ZSWIM5: variants seen among roughly 807,000 people sequenced by gnomAD.
ZSWIM5 encodes the protein zinc finger SWIM-type containing 5, also known as zinc finger SWIM domain-containing protein 5.
A neutral mutation model predicts 119.6 loss-of-function variants in ZSWIM5; 55 were observed. That is an observed-to-expected ratio of 0.46 (90% CI 0.37 to 0.58). The LOEUF (loss-of-function observed/expected upper bound fraction) is 0.58. Ranked by LOEUF, ZSWIM5 falls within the 20% of genes least tolerant of loss-of-function variation. The pLI is 0.00. For synonymous variants in ZSWIM5, 537 were observed against 606.9 expected (o/e 0.88, Z 1.69); for missense variants, 1,193 against 1,512.8 (o/e 0.79, Z 3.51).
chr1:45,202,262 A>G (rs1646162821), intron 1 of ZSWIM5, among the ~76,000 whole-genome samples: 1 of 152,098 alleles, frequency 6.6e-6, no homozygotes, highest in Admixed American at 6.5e-5. Context: ...ATTAAAACAA[A>G]TTACATATAA....
At chr1:45,079,690 T>TCTTGC (rs1210359056) in intron 2 of ZSWIM5, among the ~76,000 whole-genome samples, 1 of 152,122 alleles carries the variant, frequency 6.6e-6, no homozygotes, top group African/African-American at 2.4e-5. Context: ...GTGGAAGGCA[T>TCTTGC]CTTGCCCCAT....
intron 7 of ZSWIM5, 109 bp downstream of exon 7, chr1:45,040,283 C>T: frequency 8.3e-7 from 1 of 1,208,124 alleles, no homozygotes; most frequent in Non-Finnish European, 1.1e-6. Flanking sequence ...GCATTCCACA[C>T]AGCAAGGAGA....
chr1:45,168,607 G>A (rs762537052), intron 1 of ZSWIM5, among the ~76,000 whole-genome samples: 3 of 147,432 alleles, frequency 2.0e-5, no homozygotes, highest in Non-Finnish European at 4.5e-5. Flanking sequence ...AGAAGTTGCA[G>A]TGAGCTGAGA....
chr1:45,100,916 C>T (rs1463037025), intron 1 of ZSWIM5, among the ~76,000 whole-genome samples: 1 of 152,288 alleles, frequency 6.6e-6, no homozygotes, highest in Middle Eastern at 3.4e-3. Flanking sequence ...GGATTAAAGA[C>T]TTAAATGTTA....
At chr1:45,070,244 C>G in intron 2 of ZSWIM5, 1 of 1,469,906 alleles carries the variant, frequency 6.8e-7, no homozygotes, top group Non-Finnish European at 9.5e-7. Flanking sequence ...GTTCATCAGT[C>G]ACAGAACCAA....
Position 45,018,351 on chromosome 1 carries a change from G to A in ZSWIM5, c.*103C>T. ...TGTGGTCCTTTGGCCTCATCCACAG[G>A]TGCTCAGAGTTCTCTCAGGGTGGAC... On this transcript the variant is annotated 3_prime_UTR_variant, in exon 14 of 14. Coordinates refer to ENST00000359600, the MANE Select transcript of ZSWIM5 (RefSeq NM_020883.2). The surrounding 1 kb of genome is among the most constrained non-coding windows in gnomAD (Gnocchi z 6.7). The A allele has an allele frequency of 2.1e-6, 3 of 1,436,456 alleles. No homozygotes were observed. The highest frequency in any genetic ancestry group is 2.8e-6 in the Non-Finnish European group (3 of 1,059,790). The allele number at this position is 1,436,456 out of a possible 1,614,324, so 89.0% of individuals were successfully genotyped here.
At chr1:45,186,463 T>C (rs1269838957) in intron 1 of ZSWIM5, among the ~76,000 whole-genome samples, 1 of 149,800 alleles carries the variant, frequency 6.7e-6, no homozygotes, top group African/African-American at 2.5e-5. Flanking sequence ...AAAAAAATGA[T>C]ACGGTATAAA....
At chr1:45,125,969 G>A (rs1042402302) in intron 1 of ZSWIM5, among the ~76,000 whole-genome samples, 2 of 152,010 alleles carry the variant, frequency 1.3e-5, no homozygotes. Context: ...TCTGAAGACT[G>A]AGGTGGGAGG....
At chr1:45,084,412 C>A (rs1276087543) in intron 2 of ZSWIM5, among the ~76,000 whole-genome samples, 1 of 152,000 alleles carries the variant, frequency 6.6e-6, no homozygotes, top group Non-Finnish European at 1.5e-5. Flanking sequence ...AATCTCATAT[C>A]CTTCTCACAT....
rs763585662 is a variant in ZSWIM5, at chr1:45,205,809, C to G, written c.542G>C (p.Arg181Pro). 1 of 1,543,300 alleles carries G rather than the reference C, an allele frequency of 6.5e-7. No homozygotes were observed. Among genetic ancestry groups the G allele is most frequent in the South Asian group, 1.2e-5 (1 of 85,450 alleles). ...AGCGGEGLPF[R>P]RGIRLLDSGS... The stretch of plus-strand genomic sequence containing the variant: ...GCTGTCCAGCAGACGGATGCCCCGG[C>G]GGAACGGGAGCCCCTCGCCACCGCA... The change falls in exon 1 of 14, where the codon CGC becomes CCC. Residue 181 changes from arginine (R) to proline (P), a missense_variant. Physicochemically the swap from Arg to Pro is moderately radical, Grantham distance 103. This residue lies in a region of ZSWIM5 where 961 missense variants were observed against 1,290.0 expected (regional missense o/e 0.74). Transcript: ENST00000359600.
chr1:45,053,484 G>A (rs777163212), intron 4 of ZSWIM5, among the ~76,000 whole-genome samples: 30 of 152,148 alleles, frequency 2.0e-4, no homozygotes, highest in Admixed American at 8.5e-4. Context: ...GATCCTGGCC[G>A]GGTGCGGTGG....
At chr1:45,051,289 T>G in intron 4 of ZSWIM5, 36 bp from the exon 5 acceptor site, 1 of 1,579,098 alleles carries the variant, frequency 6.3e-7, no homozygotes. Context: ...TTAACATCTC[T>G]CCTTTGATGT....
intron 1 of ZSWIM5, among the ~76,000 whole-genome samples, chr1:45,181,299 G>C (rs1417087026): frequency 6.6e-6 from 1 of 152,060 alleles, no homozygotes; most frequent in Non-Finnish European, 1.5e-5. Flanking sequence ...AGAAGCCTCA[G>C]GAGCCGATGC....
intron 1 of ZSWIM5, among the ~76,000 whole-genome samples, chr1:45,194,323 A>T (rs1646109555): frequency 6.6e-6 from 1 of 152,208 alleles, no homozygotes; most frequent in Admixed American, 6.5e-5. Context: ...AAGCACAAAA[A>T]GCTATTTTCC....
intron 2 of ZSWIM5, among the ~76,000 whole-genome samples, chr1:45,076,463 A>G (rs1441158276): frequency 6.6e-6 from 1 of 152,218 alleles, no homozygotes; most frequent in South Asian, 2.1e-4. Context: ...TAGAGTTTCC[A>G]CTGAGAAGTC....
rs532233494 is a variant in ZSWIM5 at position 45,099,147 on chromosome 1, G to A, written c.596-10910C>T. Among the ~76,000 whole-genome samples, 54 of 152,116 alleles carry A rather than the reference G, an allele frequency of 3.5e-4. 2 individuals carry two copies. In the South Asian group the frequency reaches 8.3e-3, roughly 23 times the overall value. On this transcript the variant is annotated intron_variant, in intron 1 of 13. Coordinates refer to ENST00000359600, the MANE Select transcript of ZSWIM5 (RefSeq NM_020883.2). Reference sequence around the variant, plus strand: ...AAAAGATCAACAAAATTGATAGACCGCTAGCAAGACTAGTAAAGAAGAAAA... The same window carrying A: ...AAAAGATCAACAAAATTGATAGACCACTAGCAAGACTAGTAAAGAAGAAAA...
chr1:45,060,900 C>A (rs1645148743), intron 2 of ZSWIM5, among the ~76,000 whole-genome samples: 1 of 152,138 alleles, frequency 6.6e-6, no homozygotes, highest in Admixed American at 6.5e-5. Flanking sequence ...TGGTCTCAAA[C>A]TCCTGGGCTC....
chr1:45,102,482 T>C (rs1357179173), intron 1 of ZSWIM5, among the ~76,000 whole-genome samples: 1 of 152,228 alleles, frequency 6.6e-6, no homozygotes, highest in Non-Finnish European at 1.5e-5. Flanking sequence ...ATCTCCATTA[T>C]AGTACTTGAC....
At chr1:45,138,093 A>G (rs1645700554) in intron 1 of ZSWIM5, among the ~76,000 whole-genome samples, 1 of 152,188 alleles carries the variant, frequency 6.6e-6, no homozygotes, top group South Asian at 2.1e-4. Context: ...TAAATAGAAA[A>G]CATGCACAAG....
Sources: allele counts gnomAD v4.1 joint callset (sites outside exome capture counted in the v4.1 genomes callset), GRCh38; gene constraint gnomAD v4.1.1; regional missense constraint gnomAD v4.1.1; non-coding constraint Gnocchi (gnomAD v3.1); transcripts MANE v1.5; gene names NCBI Gene and HGNC (gene_info 2026-07-23, HGNC 2026-07-21).